NFIA: variants seen among roughly 807,000 people sequenced by gnomAD.
NFIA encodes nuclear factor 1 A-type.
In NFIA, 8 loss-of-function variants were observed where a neutral mutation model predicts 62.8. The ratio of observed to expected loss-of-function variants is 0.13; its 90% confidence interval spans 0.07 to 0.23. The LOEUF is 0.23. Ranked by LOEUF, NFIA falls within the 10% of genes least tolerant of loss-of-function variation. The pLI is 1.00. For synonymous variants in NFIA, 235 were observed against 238.1 expected, an observed-to-expected ratio of 0.99 and a Z score of 0.12; for missense variants, 410 against 642.1, an observed-to-expected ratio of 0.64 and a Z score of 3.91.
chr1:61,100,582 TA>T lies in NFIA; in HGVS notation c.559+11908del, dbSNP rs1385740839. On this transcript the variant is annotated intron_variant, in intron 2 of 10. Coordinates refer to ENST00000403491, the MANE Select transcript of NFIA (RefSeq NM_001134673.4). ...CTGTATGAAGTTTTTAAAACACTTA[TA>T]AAAAATTTATGGTGATTATTATTAT... Among the ~76,000 whole-genome samples, 9 of 152,334 alleles carry T rather than the reference TA, an allele frequency of 5.9e-5. No individual in the cohort carries two copies. The East Asian group carries it at 1.3e-3, about 23-fold the overall frequency.
At chr1:61,354,598 G>T (rs556595340) in intron 5 of NFIA, among the ~76,000 whole-genome samples, 4 of 152,278 alleles carry the variant, frequency 2.6e-5, no homozygotes, top group African/African-American at 9.6e-5. Flanking sequence ...CAGTCCTAGT[G>T]AATAGAGGAG....
intron 6 of NFIA, among the ~76,000 whole-genome samples, chr1:61,360,226 T>G (rs958912398): frequency 6.6e-6 from 1 of 152,212 alleles, no homozygotes; most frequent in Non-Finnish European, 1.5e-5. Context: ...TAAGTCTGAT[T>G]GCAAAAACTA....
intron 2 of NFIA, among the ~76,000 whole-genome samples, chr1:61,205,388 A>G (rs991719547): frequency 6.6e-6 from 1 of 152,324 alleles, no homozygotes. Context: ...TAGCAGTTGT[A>G]TAAAAAGCTA....
chr1:61,101,252 G>A (rs1050774970), intron 2 of NFIA, among the ~76,000 whole-genome samples: 9 of 151,858 alleles, frequency 5.9e-5, no homozygotes, highest in Non-Finnish European at 7.4e-5. Context: ...AAAATTAGCC[G>A]GGTGTGGTGG....
chr1:61,284,316 G>T (rs1469253843), intron 3 of NFIA, among the ~76,000 whole-genome samples: 1 of 152,136 alleles, frequency 6.6e-6, no homozygotes, highest in African/African-American at 2.4e-5. Context: ...ACTAGAATTT[G>T]GTTTCATCTG....
upstream of NFIA, chr1:61,077,502 CTTCCGGGT>C: frequency 1.1e-6 from 1 of 892,330 alleles, no homozygotes; most frequent in Non-Finnish European, 1.5e-6. Context: ...TAAAAAATCT[CTTCCGGGT>C]TTTCAACGGT....
intron 2 of NFIA, among the ~76,000 whole-genome samples, chr1:61,141,239 C>A (rs1453147985): frequency 1.3e-5 from 2 of 152,082 alleles, no homozygotes; most frequent in Non-Finnish European, 2.9e-5. Flanking sequence ...GAGCCTCAAA[C>A]CCCTGCTCAG....
chr1:61,207,533 C>T (rs533621030), intron 2 of NFIA, among the ~76,000 whole-genome samples: 22 of 152,248 alleles, frequency 1.4e-4, no homozygotes, highest in African/African-American at 4.8e-4. Flanking sequence ...GGGATACTCA[C>T]GAGACATCTA....
rs773710177 is a variant in NFIA at position 61,461,127 on chromosome 1, C to T, written c.*5807C>T. On this transcript the variant is annotated 3_prime_UTR_variant, in exon 11 of 11. Transcript: ENST00000403491. ...TATTTGAATTTCAAGAACTGTGCTG[C>T]GAAGACACTCTGAGAACATTTGCAA... is the stretch of plus-strand genomic sequence containing the variant. The T allele has an allele frequency of 9.9e-5, 15 of 152,036 alleles. No homozygotes were observed. Among genetic ancestry groups the T allele is most frequent in the African/African-American group, 2.2e-4 (9 of 41,376 alleles). The allele number at this position is 152,036 out of a possible 1,614,324, so 9.4% of individuals were successfully genotyped here.
At chr1:61,205,901 CT>C (rs199804398) in intron 2 of NFIA, among the ~76,000 whole-genome samples, 298 of 122,314 alleles carry the variant, frequency 2.4e-3, no homozygotes, top group South Asian at 3.7e-3. Flanking sequence ...TTTTGCAGCC[CT>C]TTTTTTTTTT....
intron 3 of NFIA, among the ~76,000 whole-genome samples, chr1:61,279,757 G>A (rs952447901): frequency 2.6e-5 from 4 of 152,108 alleles, no homozygotes; most frequent in Admixed American, 2.6e-4. Context: ...TAAATTGAGA[G>A]CATGAGAGGC....
chr1:61,414,453 A>G (rs1666262895), intron 9 of NFIA, among the ~76,000 whole-genome samples: 1 of 151,990 alleles, frequency 6.6e-6, no homozygotes. Context: ...CATCCAATTC[A>G]CCTTCAACCT....
chr1:61,131,059 C>G lies in NFIA; in HGVS notation c.559+42379C>G, dbSNP rs933699027. Among the ~76,000 whole-genome samples the G allele has an allele frequency of 5.3e-5, 8 of 150,968 alleles. No homozygotes were observed. The East Asian group carries it at 9.8e-4, about 18-fold the overall frequency. ...ATAATACCAATATGAACTCTAATTG[C>G]AAAGAGACTAAATGAAATCTTCACA... On this transcript the variant is annotated intron_variant, in intron 2 of 10. Transcript: ENST00000403491.
intron 6 of NFIA, among the ~76,000 whole-genome samples, chr1:61,359,822 G>A (rs932676166): frequency 6.6e-6 from 1 of 151,986 alleles, no homozygotes; most frequent in African/African-American, 2.4e-5. Context: ...TAAAAGAGAC[G>A]GGGTTTCACC....
At chr1:61,389,537 G>A (rs1327148260) in intron 7 of NFIA, among the ~76,000 whole-genome samples, 3 of 152,036 alleles carry the variant, frequency 2.0e-5, no homozygotes, top group African/African-American at 4.8e-5. Context: ...ATCTGAGCTA[G>A]CCAGAACCAA....
chr1:61,416,155 G>A (rs1402768178), intron 9 of NFIA, among the ~76,000 whole-genome samples: 1 of 152,096 alleles, frequency 6.6e-6, no homozygotes, highest in Non-Finnish European at 1.5e-5. Flanking sequence ...CCAGGGAAAG[G>A]GGCAAGGTTG....
At chr1:61,199,027 C>T (rs1424130920) in intron 2 of NFIA, among the ~76,000 whole-genome samples, 1 of 152,134 alleles carries the variant, frequency 6.6e-6, no homozygotes, top group Non-Finnish European at 1.5e-5. Flanking sequence ...TCTCACCTCC[C>T]ATTTTGAAAT....
intron 2 of NFIA, among the ~76,000 whole-genome samples, chr1:61,205,951 G>A (rs1342704667): frequency 7.9e-6 from 1 of 127,166 alleles, no homozygotes; most frequent in Non-Finnish European, 1.6e-5. Flanking sequence ...CTTGCTTGCT[G>A]TGTCACCCAT....
rs149558037 is a variant in NFIA at position 61,350,411 on chromosome 1, G to A, written c.701-2039G>A. 2.4e-3 allele frequency among the ~76,000 whole-genome samples: 369 copies of A among 152,076 alleles called. 1 individual carries two copies. The highest frequency in any genetic ancestry group is 8.5e-3 in the African/African-American group (351 of 41,468). On this transcript the variant is annotated intron_variant, in intron 4 of 10. Transcript: ENST00000403491. ...TTTGGGAGGCAAAGGCAGGAGGATC[G>A]CTTTAGACTGGAAGTTCAATACCAG...
Sources: gnomAD v4.1 joint callset for allele counts (sites outside exome capture counted in the v4.1 genomes callset) on GRCh38, gnomAD v4.1.1 for gene constraint, MANE v1.5 for transcripts, NCBI Gene and HGNC (gene_info 2026-07-23, HGNC 2026-07-21) for gene names.